The following FLII variants were observed in gnomAD, a reference collection of about 807,000 sequenced individuals.
FLII encodes FLII actin remodeling protein.
In FLII, 101 loss-of-function variants were observed where a neutral mutation model predicts 156.2. That is an observed-to-expected ratio of 0.65 (90% CI 0.55 to 0.76). FLII has a LOEUF of 0.76. Ranked by LOEUF, FLII falls within the 30% of genes least tolerant of loss-of-function variation. FLII has a pLI of 0.00. For synonymous variants in FLII, 767 were observed against 685.8 expected (o/e 1.12, Z -1.85); for missense variants, 1,675 against 1,682.8 (o/e 1.00, Z 0.08).
chr17:18,245,492 C>T lies in FLII; in HGVS notation c.3609+63G>A, dbSNP rs1664797942. The T allele has an allele frequency of 8.1e-6, 13 of 1,611,802 alleles. No individual in the cohort carries two copies. In the South Asian group the frequency reaches 8.8e-5, roughly 11 times the overall value. ...GCCCCTTGCTCCTGGCCCGAGAATT[C>T]CCATTTGTAAGTAAGTCTATGGGCG... On this transcript the variant is annotated intron_variant, in intron 28 of 29. Transcript: ENST00000327031.
chr17:18,250,220 A>G (rs960601550), intron 14 of FLII, among the ~76,000 whole-genome samples: 2 of 152,198 alleles, frequency 1.3e-5, no homozygotes, highest in African/African-American at 4.8e-5. Context: ...TAAAGATGCC[A>G]GCAGCATGTT....
At position 18,250,938 on chromosome 17, in the gene FLII, G is replaced by A. The variant is rs2048245362; in HGVS notation, c.1676C>T (p.Ala559Val). Residue 559 changes from alanine to valine, a missense_variant, in exon 14 of 30, where the codon GCT (alanine) becomes GTT (valine). By Grantham distance (64) the Ala-to-Val change is moderately conservative. This residue lies in a region of FLII where 1,332 missense variants were observed against 1,269.3 expected (regional missense o/e 1.05). Coordinates refer to ENST00000327031, the MANE Select transcript of FLII (RefSeq NM_002018.4). ...GTTGACAGCGTGGATGGCAGAGCAA[G>A]CTTTCTTGTCGAGTGTGGCCTCCCC... ...IGGEATLDKKACSAIHAVNLR... is the reference protein window; with the variant it reads ...IGGEATLDKKVCSAIHAVNLR... The A allele has an allele frequency of 6.2e-7, 1 of 1,613,978 alleles. No individual in the cohort carries two copies. Among genetic ancestry groups the A allele is most frequent in the South Asian group, 1.1e-5 (1 of 91,088 alleles).
chr17:18,247,980 G>A lies in FLII; in HGVS notation c.2244C>T (p.Ser748=), dbSNP rs1221862481. 6.8e-6 allele frequency: 11 copies of A among 1,613,968 alleles called. No homozygotes were observed. Among genetic ancestry groups the A allele is most frequent in the African/African-American group, 1.3e-5 (1 of 74,908 alleles). The part of the protein sequence containing the change: ...LELPQINYKL[S]VEHKQRPKVE... The stretch of plus-strand genomic sequence containing the variant: ...CCTTGGGACGCTGCTTATGTTCCAC[G>A]GAGAGCTTGTAGTTGATCTGTGGCA... The change falls in exon 19 of 30, where the codon TCC becomes TCT. Residue 748 remains serine (S), a synonymous_variant. Transcript: ENST00000327031.
chr17:18,256,485 G>A (rs1438170588), intron 3 of FLII, 41 bp downstream of exon 3: 2 of 1,514,674 alleles, frequency 1.3e-6, no homozygotes, highest in Non-Finnish European at 1.8e-6. Context: ...CCGGACCTTG[G>A]CCCCAACCCC....
At chr17:18,251,844 C>G (rs1052889121) in intron 11 of FLII, 28 bp from the exon 12 acceptor site, 5 of 1,612,604 alleles carry the variant, frequency 3.1e-6, no homozygotes, top group Non-Finnish European at 4.2e-6. Context: ...CAGCTGAGCC[C>G]TCACTGGGCC....
At position 18,246,319 on chromosome 17, in the gene FLII, G is replaced by C; in HGVS notation, c.3195C>G (p.Ala1065=). 6.2e-7 allele frequency: 1 copy of C among 1,613,880 alleles called. No individual in the cohort carries two copies. Among genetic ancestry groups the C allele is most frequent in the South Asian group, 1.1e-5 (1 of 91,088 alleles). The part of the protein sequence containing the change: ...SLYQIRTNGS[A]LCTRCIQINT... ...CCCCAGCCAGGCACCGGGTGCAGAG[G>C]GCGCTGCCGTTGGTGCGGATCTGGT... Residue 1065 remains alanine, a synonymous_variant, in exon 24 of 30, where the codon GCC becomes GCG. Transcript: ENST00000327031.
At chr17:18,255,337 C>A in intron 3 of FLII, 74 bp from the exon 4 acceptor site, 1 of 1,216,888 alleles carries the variant, frequency 8.2e-7, no homozygotes, top group African/African-American at 1.5e-5. Context: ...GAGAGGGACA[C>A]CTCCTCAGGC....
rs1359682185 is a variant in FLII at position 18,245,258 on chromosome 17, G to A, written c.3690C>T (p.His1230=). Residue 1230 remains histidine, a synonymous_variant, in exon 30 of 30, where the codon CAC becomes CAT. Transcript: ENST00000327031. The stretch of plus-strand genomic sequence containing the variant: ...GCCGCTCATGTTCCTTGGACCGCAT[G>A]TGCTGGATATATACCTGGCAAGGGG... ...SLKACQVYIQ[H]MRSKEHERPR... 2.5e-6 allele frequency: 4 copies of A among 1,613,230 alleles called. No individual in the cohort carries two copies. In the East Asian group the frequency reaches 6.7e-5, roughly 27 times the overall value.
Position 18,244,832 on chromosome 17 carries a change from C to T in FLII, c.*306G>A, listed in dbSNP as rs1177389739. The T allele has an allele frequency of 2.7e-6, 1 of 363,706 alleles. No individual in the cohort carries two copies. Among genetic ancestry groups the T allele is most frequent in the Non-Finnish European group, 4.9e-6 (1 of 204,768 alleles). 22.5% of individuals were successfully genotyped at this position (363,706 alleles called of 1,614,324 possible). ...TAGCGCCATTTTAATATTAAAAATACTGATTTTTAATATTGAAAATAAAAG... is the reference window on the plus strand; with the variant it reads ...TAGCGCCATTTTAATATTAAAAATATTGATTTTTAATATTGAAAATAAAAG... On this transcript the variant is annotated 3_prime_UTR_variant, in exon 30 of 30. Coordinates refer to ENST00000327031, the MANE Select transcript of FLII (RefSeq NM_002018.4).
At chr17:18,254,248 C>A in intron 6 of FLII, 66 bp from the exon 7 acceptor site, 1 of 1,301,586 alleles carries the variant, frequency 7.7e-7, no homozygotes, top group Non-Finnish European at 1.1e-6. Flanking sequence ...TGGGGCTTGG[C>A]AGGGCAGGAC....
intron 21 of FLII, 48 bp downstream of exon 21, chr17:18,247,121 C>CGGGGGGGGGGGGGCGG: frequency 7.2e-7 from 1 of 1,398,096 alleles, no homozygotes; most frequent in Non-Finnish European, 9.4e-7. Flanking sequence ...CGCCCTCGGC[C>CGGGGGGGGGGGGGCGG]TGCCCCCCAC....
At chr17:18,256,050 A>T (rs2048406379) in intron 3 of FLII, among the ~76,000 whole-genome samples, 1 of 152,232 alleles carries the variant, frequency 6.6e-6, no homozygotes, top group Non-Finnish European at 1.5e-5. Context: ...ATGTTCTGGG[A>T]CGTTCAAGTC....
At chr17:18,249,028 T>C in intron 16 of FLII, 99 bp downstream of exon 16, 2 of 1,377,030 alleles carry the variant, frequency 1.5e-6, no homozygotes, top group Non-Finnish European at 2.1e-6. Context: ...GGGCAGGAAT[T>C]GCTAGAGGGC....
intron 7 of FLII, 128 bp from the exon 8 acceptor site, chr17:18,253,847 G>A (rs745386886): frequency 2.8e-5 from 28 of 998,386 alleles, no homozygotes; most frequent in African/African-American, 9.8e-5. Context: ...ACTGCTGTGC[G>A]CCCAAGTTTC....
chr17:18,257,153 A>C, intron 1 of FLII, 134 bp from the exon 2 acceptor site: 1 of 576,624 alleles, frequency 1.7e-6, no homozygotes, highest in Non-Finnish European at 3.1e-6. Context: ...AAGTCATTTC[A>C]TCATTGTGCC....
At chr17:18,253,816 G>T in intron 7 of FLII, 97 bp from the exon 8 acceptor site, 1 of 1,252,824 alleles carries the variant, frequency 8.0e-7, no homozygotes, top group Non-Finnish European at 1.1e-6. Context: ...CCTCTGAGCT[G>T]TGTGGCTTAG....
At position 18,257,064 on chromosome 17, in the gene FLII, AC is replaced by A. The variant is rs769577323; in HGVS notation, c.64-46del. On this transcript the variant is annotated intron_variant, in intron 1 of 29. Transcript: ENST00000327031. Reference sequence around the variant, plus strand: ...GTGAAGCACAGAGCCCCTGCTCACCACCTTCTATGGCTCCTCCAGCCCATGG... The same window carrying A: ...GTGAAGCACAGAGCCCCTGCTCACCACTTCTATGGCTCCTCCAGCCCATGG... 21 of 1,315,418 alleles carry A rather than the reference AC, an allele frequency of 1.6e-5. No homozygotes were observed. The Middle Eastern group carries it at 5.5e-4, about 34-fold the overall frequency. The allele number at this position is 1,315,418 out of a possible 1,614,324, so 81.5% of individuals were successfully genotyped here.
chr17:18,249,661 A>G (rs1043985828), intron 14 of FLII, among the ~76,000 whole-genome samples: 3 of 152,108 alleles, frequency 2.0e-5, no homozygotes, highest in Non-Finnish European at 2.9e-5. Flanking sequence ...GTGGTGGTGC[A>G]TGCCTGTAAT....
chr17:18,250,732 C>T, intron 14 of FLII, 106 bp downstream of exon 14: 1 of 1,255,570 alleles, frequency 8.0e-7, no homozygotes, highest in Non-Finnish European at 1.1e-6. Flanking sequence ...ACCCCAGCTC[C>T]CTGCCTGCCC....
Sources: allele counts gnomAD v4.1 joint callset (sites outside exome capture counted in the v4.1 genomes callset), GRCh38; gene constraint gnomAD v4.1.1; regional missense constraint gnomAD v4.1.1; transcripts MANE v1.5; gene names NCBI Gene and HGNC (gene_info 2026-07-23, HGNC 2026-07-21).